KCNIP4: variants seen among roughly 807,000 people sequenced by gnomAD.
The protein encoded by KCNIP4 is potassium voltage-gated channel interacting protein 4.
Under a neutral mutation model 34.0 loss-of-function variants are expected in KCNIP4, and 12 were observed. The observed-to-expected ratio is 0.35, with a 90% CI of 0.23 to 0.57. The LOEUF (loss-of-function observed/expected upper bound fraction) is 0.57. Among genes scored for constraint, KCNIP4 ranks in the 20% least tolerant of loss-of-function variants. The pLI is 0.83. For synonymous variants in KCNIP4, 124 were observed against 102.2 expected (o/e 1.21, Z -1.29); for missense variants, 238 against 311.7 (o/e 0.76, Z 1.78).
intron 1 of KCNIP4, among the ~76,000 whole-genome samples, chr4:20,883,697 T>C (rs575467874): frequency 6.6e-6 from 1 of 151,868 alleles, no homozygotes; most frequent in African/African-American, 2.4e-5. Context: ...TTGTTCCTTT[T>C]CTAGTTCTTA....
At chr4:21,222,671 A>G (rs1480098645) in intron 1 of KCNIP4, among the ~76,000 whole-genome samples, 2 of 152,200 alleles carry the variant, frequency 1.3e-5, no homozygotes, top group African/African-American at 4.8e-5. Context: ...CTTTGCTTAG[A>G]TAAGTCTTCC....
At chr4:21,417,671 C>A (rs986521005) in intron 1 of KCNIP4, among the ~76,000 whole-genome samples, 2 of 152,076 alleles carry the variant, frequency 1.3e-5, no homozygotes, top group Non-Finnish European at 1.5e-5. Flanking sequence ...CCAGAGAGCA[C>A]GGTGTTTTTA....
intron 1 of KCNIP4, among the ~76,000 whole-genome samples, chr4:21,466,172 A>T (rs559708904): frequency 2.0e-5 from 3 of 152,060 alleles, no homozygotes; most frequent in East Asian, 3.9e-4. Flanking sequence ...TCCTTTTCCC[A>T]TTTGTTCAGG....
At chr4:21,101,733 T>C (rs114153364) in intron 1 of KCNIP4, among the ~76,000 whole-genome samples, 3,996 of 152,286 alleles carry the variant, frequency 0.026, 109 homozygotes, top group Non-Finnish European at 0.039. Flanking sequence ...TAAATTTTAT[T>C]GCAGTAAAGC....
chr4:21,461,755 C>A (rs1459939072), intron 1 of KCNIP4, among the ~76,000 whole-genome samples: 1 of 151,812 alleles, frequency 6.6e-6, no homozygotes, highest in African/African-American at 2.4e-5. Flanking sequence ...ATGCCTGATG[C>A]ACATTTTATC....
chr4:20,837,686 A>ATATATT lies in KCNIP4; in HGVS notation c.288+12856_288+12857insAATATA, dbSNP rs1350419753. On this transcript the variant is annotated intron_variant, in intron 3 of 8. Transcript: ENST00000382152. The stretch of plus-strand genomic sequence containing the variant: ...GCTATATATATATATATATATATAT[A>ATATATT]TTTTTTTTTCCTTGGAGATGGAGTC... 8.2e-3 allele frequency among the ~76,000 whole-genome samples: 965 copies of ATATATT among 117,332 alleles called. 14 individuals are homozygous for ATATATT. Among genetic ancestry groups the ATATATT allele is most frequent in the African/African-American group, 0.031 (919 of 29,818 alleles). 77.0% of individuals were successfully genotyped at this position (117,332 alleles called of 152,430 possible).
rs149907609 is a variant in KCNIP4, at chr4:21,203,306, T to C, written c.62-320597A>G. Among the ~76,000 whole-genome samples, 1,107 of 152,206 alleles carry C rather than the reference T, an allele frequency of 7.3e-3. 14 individuals carry two copies. The highest frequency in any genetic ancestry group is 8.0e-3 in the Non-Finnish European group (545 of 68,016). On this transcript the variant is annotated intron_variant, in intron 1 of 8. Coordinates refer to ENST00000382152, the MANE Select transcript of KCNIP4 (RefSeq NM_025221.6). ...GAACCGCTCAAAGTCACAGTGCCCA[T>C]GGATCTTCAAGAGGTGTGTATTGAC...
intron 1 of KCNIP4, among the ~76,000 whole-genome samples, chr4:21,872,612 C>T (rs1027062045): frequency 6.6e-6 from 1 of 152,120 alleles, no homozygotes; most frequent in Middle Eastern, 3.2e-3. Context: ...CAAAGACCTC[C>T]TGATAAAAGT....
chr4:21,090,071 T>C (rs6815915), intron 1 of KCNIP4, among the ~76,000 whole-genome samples: 25,574 of 152,154 alleles, frequency 0.17, 2,230 homozygotes, highest in East Asian at 0.24. Flanking sequence ...CCCAGAACGA[T>C]GTTCTGTGAT....
chr4:21,221,213 G>T (rs1757959529), intron 1 of KCNIP4, among the ~76,000 whole-genome samples: 1 of 152,082 alleles, frequency 6.6e-6, no homozygotes, highest in Non-Finnish European at 1.5e-5. Context: ...GAGGGCAGGG[G>T]TTATTTTTTA....
chr4:20,803,309 G>A (rs1714596528), intron 3 of KCNIP4, among the ~76,000 whole-genome samples: 1 of 151,254 alleles, frequency 6.6e-6, no homozygotes, highest in African/African-American at 2.4e-5. Context: ...ATAAAAATCA[G>A]AAGTGAAATA....
chr4:20,969,562 G>T (rs1469103770), intron 1 of KCNIP4, among the ~76,000 whole-genome samples: 1 of 152,038 alleles, frequency 6.6e-6, no homozygotes. Context: ...GTGTTTGTGT[G>T]TGTGTGTGTG....
intron 1 of KCNIP4, among the ~76,000 whole-genome samples, chr4:21,550,654 G>C (rs1000598054): frequency 7.9e-5 from 12 of 151,892 alleles, no homozygotes; most frequent in African/African-American, 2.7e-4. Context: ...TCCAAGACTG[G>C]TACTCATAAA....
intron 1 of KCNIP4, among the ~76,000 whole-genome samples, chr4:20,950,576 A>G (rs891795562): frequency 4.6e-5 from 7 of 152,032 alleles, no homozygotes; most frequent in African/African-American, 1.7e-4. Context: ...ATTTAACTCC[A>G]AGTTGATGCA....
intron 1 of KCNIP4, among the ~76,000 whole-genome samples, chr4:21,757,167 GA>G (rs1308919854): frequency 2.0e-5 from 1 of 48,930 alleles, no homozygotes; most frequent in Non-Finnish European, 4.2e-5. Context: ...AAGAAAGAAA[GA>G]AGGAAGGAAG....
intron 1 of KCNIP4, among the ~76,000 whole-genome samples, chr4:21,811,039 GT>G (rs1263862042): frequency 6.6e-6 from 1 of 152,190 alleles, no homozygotes; most frequent in African/African-American, 2.4e-5. Flanking sequence ...AAGGGACAGA[GT>G]AGGCAGCATT....
intron 1 of KCNIP4, chr4:21,608,664 C>T (rs1743911314): frequency 6.6e-6 from 1 of 152,198 alleles, no homozygotes; most frequent in South Asian, 2.1e-4. Flanking sequence ...TGTAATATAA[C>T]ATAAAATAGT....
intron 1 of KCNIP4, among the ~76,000 whole-genome samples, chr4:21,612,587 A>G (rs16871588): frequency 0.014 from 2,170 of 152,348 alleles, 60 homozygotes; most frequent in African/African-American, 0.048. Flanking sequence ...AAAACAATTA[A>G]GCCACATTGG....
rs71655634 is a variant in KCNIP4, at chr4:21,432,091, CATATATATATATATATATAT to C, written c.61+516460_61+516479del. Among the ~76,000 whole-genome samples, 84 of 36,420 alleles carry C rather than the reference CATATATATATATATATATAT, an allele frequency of 2.3e-3. 1 individual carries two copies. Among genetic ancestry groups the C allele is most frequent in the Middle Eastern group, 0.026 (1 of 38 alleles). The allele number at this position is 36,420 out of a possible 152,430, so 23.9% of individuals were successfully genotyped here. On this transcript the variant is annotated intron_variant, in intron 1 of 8. Coordinates refer to ENST00000382152, the MANE Select transcript of KCNIP4 (RefSeq NM_025221.6). Reference sequence around the variant, plus strand: ...TGTATTCAATGTGTGAAAATGGAAGCATATATATATATATATATATATATATATATATATATATATATATA... The same window carrying C: ...TGTATTCAATGTGTGAAAATGGAAGCATATATATATATATATATATATATA...
Sources: allele counts gnomAD v4.1 joint callset (sites outside exome capture counted in the v4.1 genomes callset), GRCh38; gene constraint gnomAD v4.1.1; transcripts MANE v1.5; gene names NCBI Gene and HGNC (gene_info 2026-07-23, HGNC 2026-07-21).